TMEM14C: variants seen among roughly 807,000 people sequenced by gnomAD.
TMEM14C encodes transmembrane protein 14C.
A neutral mutation model predicts 14.8 loss-of-function variants in TMEM14C; 13 were observed. The observed-to-expected ratio is 0.88, with a 90% confidence interval of 0.57 to 1.40. TMEM14C has a LOEUF of 1.40. Ranked by LOEUF, TMEM14C falls within the 40% of genes most tolerant of loss-of-function variation. The probability of loss-of-function intolerance (pLI) is 0.00; values close to 1 mark genes in which losing one functional copy is unlikely to be tolerated. For missense variants in TMEM14C, 142 were observed against 138.8 expected, an observed-to-expected ratio of 1.02 and a Z score of -0.12; for synonymous variants, 57 against 51.3, an observed-to-expected ratio of 1.11 and a Z score of -0.48.
chr6:10,727,899 C>T (rs759311522), intron 4 of TMEM14C, among the ~76,000 whole-genome samples: 1 of 152,144 alleles, frequency 6.6e-6, no homozygotes, highest in Non-Finnish European at 1.5e-5. Context: ...ATTGTTCTTA[C>T]GATGAAAACC....
At chr6:10,728,532 T>A in intron 4 of TMEM14C, 108 bp from the exon 5 acceptor site, 1 of 1,154,692 alleles carries the variant, frequency 8.7e-7, no homozygotes. Context: ...GGAATAAGCA[T>A]AGGATGAGGC....
At chr6:10,725,372 C>G (rs1380941153) in intron 3 of TMEM14C, among the ~76,000 whole-genome samples, 1 of 152,196 alleles carries the variant, frequency 6.6e-6, no homozygotes, top group African/African-American at 2.4e-5. Context: ...AACCTCTGGC[C>G]TACACAGACT....
chr6:10,730,588 A>T (rs1390403871), intron 5 of TMEM14C, 27 bp from the exon 6 acceptor site: 4 of 1,609,158 alleles, frequency 2.5e-6, no homozygotes, highest in Admixed American at 1.7e-5. Flanking sequence ...TTTACCTGAC[A>T]TTTTCTATCT....
At chr6:10,729,296 C>A (rs1770962402) in intron 5 of TMEM14C, among the ~76,000 whole-genome samples, 1 of 152,140 alleles carries the variant, frequency 6.6e-6, no homozygotes, top group South Asian at 2.1e-4. Flanking sequence ...CCACCATGCC[C>A]AGCTATTTTT....
At chr6:10,723,383 A>G (rs1052045760) in intron 1 of TMEM14C, 142 bp downstream of exon 1, 2 of 152,006 alleles carry the variant, frequency 1.3e-5, no homozygotes, top group Non-Finnish European at 1.5e-5. Flanking sequence ...CTCGTTGGGT[A>G]TTTTCTGCTT....
At chr6:10,725,402 G>A (rs1222280693) in intron 3 of TMEM14C, among the ~76,000 whole-genome samples, 3 of 152,280 alleles carry the variant, frequency 2.0e-5, no homozygotes, top group South Asian at 2.1e-4. Flanking sequence ...AACTCTCCTC[G>A]TTAGGCCAGG....
intron 5 of TMEM14C, among the ~76,000 whole-genome samples, chr6:10,729,733 ATG>A (rs1177239693): frequency 3.9e-5 from 6 of 152,162 alleles, no homozygotes; most frequent in African/African-American, 1.4e-4. Context: ...AGCTGAGATC[ATG>A]CCACTGCACT....
At chr6:10,728,256 C>CATGT (rs1770924423) in intron 4 of TMEM14C, among the ~76,000 whole-genome samples, 1 of 152,224 alleles carries the variant, frequency 6.6e-6, no homozygotes, top group African/African-American at 2.4e-5. Flanking sequence ...CAGCACTTGA[C>CATGT]ATGTAGTAGG....
At chr6:10,729,521 A>T (rs541596625) in intron 5 of TMEM14C, among the ~76,000 whole-genome samples, 12 of 152,288 alleles carry the variant, frequency 7.9e-5, no homozygotes, top group African/African-American at 2.9e-4. Flanking sequence ...TCACACCTGT[A>T]ATCCCAGCAA....
chr6:10,729,054 C>A (rs1770954656), intron 5 of TMEM14C, among the ~76,000 whole-genome samples: 1 of 152,026 alleles, frequency 6.6e-6, no homozygotes, highest in Non-Finnish European at 1.5e-5. Flanking sequence ...ATTTGGGGGC[C>A]CCATATTTCT....
intron 2 of TMEM14C, 88 bp from the exon 3 acceptor site, chr6:10,724,873 G>A (rs774815320): frequency 4.0e-6 from 6 of 1,500,490 alleles, no homozygotes; most frequent in Admixed American, 3.3e-5. Context: ...GACCTGTGGG[G>A]AATGATTACC....
Position 10,724,978 on chromosome 6 carries a change from T to C in TMEM14C, c.38T>C (p.Phe13Ser). ...GTTTTCAGAGTGCCTTTGCATTGGT[T>C]TGGCTTTGGCTACGCAGCACTGGTT... ...DTGSVVPLHW[F>S]GFGYAALVAS... Residue 13 changes from phenylalanine (F) to serine (S), a missense_variant, in exon 3 of 6, where the codon TTT (phenylalanine) becomes TCT (serine). By Grantham distance (155) the Phe-to-Ser change is radical. Coordinates refer to ENST00000229563, the MANE Select transcript of TMEM14C (RefSeq NM_016462.4). 6.2e-7 allele frequency: 1 copy of C among 1,614,250 alleles called. No homozygotes were observed. The highest frequency in any genetic ancestry group is 8.5e-7 in the Non-Finnish European group (1 of 1,180,042).
intron 5 of TMEM14C, 76 bp from the exon 6 acceptor site, chr6:10,730,539 C>A: frequency 7.1e-7 from 1 of 1,405,792 alleles, no homozygotes; most frequent in Non-Finnish European, 9.9e-7. Flanking sequence ...GAGGAACCAG[C>A]AGTTTAGTTC....
chr6:10,726,114 C>A (rs976565652), intron 4 of TMEM14C, 106 bp downstream of exon 4: 5 of 1,257,944 alleles, frequency 4.0e-6, no homozygotes, highest in Non-Finnish European at 4.5e-6. Flanking sequence ...ACTTCACTTA[C>A]GACAATTTCA....
chr6:10,724,905 G>A (rs530664730), intron 2 of TMEM14C, 56 bp from the exon 3 acceptor site: 11 of 1,591,082 alleles, frequency 6.9e-6, no homozygotes, highest in South Asian at 4.4e-5. Context: ...TCCTATGACA[G>A]TATGGTTTGT....
intron 4 of TMEM14C, among the ~76,000 whole-genome samples, chr6:10,728,217 A>G (rs1405352827): frequency 2.0e-5 from 3 of 152,244 alleles, no homozygotes; most frequent in East Asian, 1.9e-4. Flanking sequence ...GACAGTTACA[A>G]TAACCTTTGT....
chr6:10,729,688 G>T (rs1237717354), intron 5 of TMEM14C, among the ~76,000 whole-genome samples: 5 of 152,180 alleles, frequency 3.3e-5, no homozygotes, highest in Non-Finnish European at 7.3e-5. Flanking sequence ...GGGGCAGGGA[G>T]AATTGCTTCA....
chr6:10,727,869 G>T (rs1188796125), intron 4 of TMEM14C, among the ~76,000 whole-genome samples: 2 of 151,974 alleles, frequency 1.3e-5, no homozygotes, highest in African/African-American at 4.8e-5. Context: ...CTTCTGCTTA[G>T]CATCCTTTAA....
intron 4 of TMEM14C, among the ~76,000 whole-genome samples, chr6:10,727,681 C>T (rs1283600134): frequency 2.6e-5 from 4 of 151,778 alleles, no homozygotes; most frequent in Non-Finnish European, 5.9e-5. Context: ...ATTAGCCAGG[C>T]GTGGTGGCGG....
Sources: gnomAD v4.1 joint callset for allele counts (sites outside exome capture counted in the v4.1 genomes callset) on GRCh38, gnomAD v4.1.1 for gene constraint, MANE v1.5 for transcripts, NCBI Gene and HGNC (gene_info 2026-07-23, HGNC 2026-07-21) for gene names.